Variants in COL3A1 observed in about 807,000 individuals in gnomAD.
COL3A1 encodes the protein collagen alpha-1(III) chain.
In COL3A1, 46 loss-of-function variants were observed where a neutral mutation model predicts 200.9. The ratio of observed to expected loss-of-function variants is 0.23; its 90% CI spans 0.18 to 0.29. The LOEUF (loss-of-function observed/expected upper bound fraction) is 0.29, where lower values mean the gene tolerates loss of function less well. Ranked by LOEUF, COL3A1 falls within the 10% of genes least tolerant of loss-of-function variation. The pLI is 1.00. For synonymous variants in COL3A1, 650 were observed against 628.0 expected (o/e 1.03, Z -0.52); for missense variants, 1,367 against 1,917.6 (o/e 0.71, Z 5.36).
intron 1 of COL3A1, among the ~76,000 whole-genome samples, chr2:188,982,053 CTTTT>C (rs539051688): frequency 6.6e-6 from 1 of 151,268 alleles, no homozygotes; most frequent in African/African-American, 2.4e-5. Context: ...TTCCAACTCT[CTTTT>C]TTTTACTTAA....
At position 189,005,748 on chromosome 2, in the gene COL3A1, C is replaced by A. The variant is rs1223483439; in HGVS notation, c.3039+291C>A. 2.0e-5 allele frequency: 6 copies of A among 304,430 alleles called. No individual in the cohort carries two copies. In the Admixed American group the frequency reaches 2.4e-4, roughly 12 times the overall value. 18.9% of individuals were successfully genotyped at this position (304,430 alleles called of 1,614,324 possible). A position where few individuals can be genotyped will look rare whatever the true frequency, so the allele number is the denominator to read the frequency against. ...GACATGTTTTCTGAGTGAAAATATT[C>A]TACGGTTATCTATGGTTAGTCTTTT... is the stretch of plus-strand genomic sequence containing the variant. On this transcript the variant is annotated intron_variant, in intron 41 of 50. Transcript: ENST00000304636.
At chr2:189,001,666 G>A (rs964728618) in intron 34 of COL3A1, 77 bp downstream of exon 34, 1 of 1,525,502 alleles carries the variant, frequency 6.6e-7, no homozygotes, top group Non-Finnish European at 9.1e-7. Flanking sequence ...CTTTTTGGCA[G>A]TTTTGCCCTC....
At chr2:188,992,756 C>G in intron 14 of COL3A1, 131 bp from the exon 15 acceptor site, 1 of 781,502 alleles carries the variant, frequency 1.3e-6, no homozygotes, top group Non-Finnish European at 2.3e-6. Flanking sequence ...TACATAATAT[C>G]CATAAAATAT....
intron 7 of COL3A1, 71 bp downstream of exon 7, chr2:188,988,714 C>A: frequency 2.0e-6 from 2 of 1,021,450 alleles, no homozygotes; most frequent in Non-Finnish European, 3.1e-6. Context: ...TTTTCTAAAA[C>A]AAGTATAGGT....
rs1688305452 is a variant in COL3A1 at position 188,996,172 on chromosome 2, G to T, written c.1656G>T (p.Gly552=). The change falls in exon 23 of 51, where the codon GGG becomes GGT. Residue 552 remains glycine (G), a synonymous_variant. Transcript: ENST00000304636. ...GACCAGGAAGTGATGGGAAACCAGGGCCTCCCGTATGTACATTTTTAAAAT... is the reference window on the plus strand; with the variant it reads ...GACCAGGAAGTGATGGGAAACCAGGTCCTCCCGTATGTACATTTTTAAAAT... The part of the protein sequence containing the change: ...PGGPGSDGKP[G]PPGSQGESGR... 14 of 1,613,320 alleles carry T rather than the reference G, an allele frequency of 8.7e-6. No individual in the cohort carries two copies. The highest frequency in any genetic ancestry group is 4.0e-5 in the African/African-American group (3 of 74,844).
chr2:189,000,464 A>G (rs2153503146), intron 32 of COL3A1, among the ~76,000 whole-genome samples: 1 of 152,330 alleles, frequency 6.6e-6, no homozygotes, highest in East Asian at 1.9e-4. Flanking sequence ...CTAGCAGTTA[A>G]GAATGAGAAA....
chr2:188,997,194 T>A lies in COL3A1; in HGVS notation c.1791T>A (p.Gly597=), dbSNP rs1214038229. The A allele has an allele frequency of 6.2e-7, 1 of 1,613,974 alleles. No individual in the cohort carries two copies. Among genetic ancestry groups the A allele is most frequent in the Admixed American group, 1.7e-5 (1 of 59,984 alleles). Residue 597 remains glycine, a synonymous_variant, in exon 25 of 51, where the codon GGT becomes GGA. Coordinates refer to ENST00000304636, the MANE Select transcript of COL3A1 (RefSeq NM_000090.4). The part of the protein sequence containing the change: ...DGAPGKNGER[G]GPGGPGPQGP... ...CTCCTGGTAAGAATGGAGAACGAGG[T>A]GGCCCTGGAGGACCTGGCCCTCAGG...
intron 2 of COL3A1, 23 bp downstream of exon 2, chr2:188,984,985 C>A: frequency 6.2e-7 from 1 of 1,600,564 alleles, no homozygotes; most frequent in Non-Finnish European, 8.6e-7. Context: ...ATAAACTGTA[C>A]ATCTTCAATA....
At chr2:188,981,041 G>A (rs796544404) in intron 1 of COL3A1, among the ~76,000 whole-genome samples, 2 of 151,236 alleles carry the variant, frequency 1.3e-5, no homozygotes, top group South Asian at 4.2e-4. Context: ...AGGTGCTTTA[G>A]GGAATAATAT....
chr2:188,991,114 C>A, intron 11 of COL3A1, 57 bp downstream of exon 11: 1 of 1,535,924 alleles, frequency 6.5e-7, no homozygotes, highest in Non-Finnish European at 9.0e-7. Context: ...ATTAAAGCTA[C>A]ATATAAGATT....
intron 13 of COL3A1, 65 bp downstream of exon 13, chr2:188,991,787 A>C: frequency 9.8e-6 from 15 of 1,524,984 alleles, no homozygotes; most frequent in Non-Finnish European, 1.3e-5. Context: ...AGCCTCAGTA[A>C]AGTTTCAGGC....
intron 8 of COL3A1, 84 bp downstream of exon 8, chr2:188,989,533 A>G: frequency 1.0e-6 from 1 of 993,160 alleles, no homozygotes; most frequent in South Asian, 1.5e-5. Flanking sequence ...TCAGAATCCC[A>G]GAAGAAAAAA....
At chr2:189,008,010 T>C (rs1244860009) in intron 46 of COL3A1, 25 bp from the exon 47 acceptor site, 1 of 1,613,972 alleles carries the variant, frequency 6.2e-7, no homozygotes, top group Non-Finnish European at 8.5e-7. Context: ...TATTCTGGCA[T>C]TGTGATGTCA....
intron 3 of COL3A1, 94 bp downstream of exon 3, chr2:188,985,341 C>T (rs1250340289): frequency 2.1e-6 from 2 of 949,708 alleles, no homozygotes; most frequent in Admixed American, 3.6e-5. Flanking sequence ...ATCATACATT[C>T]TCTTCATTAC....
chr2:188,999,896 G>A lies in COL3A1; in HGVS notation c.2283+1G>A, dbSNP rs1559058970. 6.3e-7 allele frequency: 1 copy of A among 1,588,336 alleles called. No individual in the cohort carries two copies. The highest frequency in any genetic ancestry group is 8.6e-7 in the Non-Finnish European group (1 of 1,168,218). On this transcript the variant is annotated splice_donor_variant, in intron 32 of 50. Coordinates refer to ENST00000304636, the MANE Select transcript of COL3A1 (RefSeq NM_000090.4). LOFTEE classifies it high-confidence loss of function. ...TGTCCCAGGGAAAGATGGCCCAAGG[G>A]TGAGTATTCCCAGTGAGGAGAAGCA... is the stretch of plus-strand genomic sequence containing the variant.
chr2:188,990,932 A>G (rs1242042412), intron 10 of COL3A1, 72 bp from the exon 11 acceptor site: 11 of 1,478,612 alleles, frequency 7.4e-6, no homozygotes, highest in South Asian at 4.6e-5. Flanking sequence ...GAAAAATACC[A>G]TGTAAACTTT....
At chr2:188,988,900 A>G (rs767784565) in intron 7 of COL3A1, among the ~76,000 whole-genome samples, 1 of 151,932 alleles carries the variant, frequency 6.6e-6, no homozygotes, top group Non-Finnish European at 1.5e-5. Context: ...AAAATTCTGT[A>G]TATATTAAAT....
rs778702019 is a variant in COL3A1 at position 188,994,064 on chromosome 2, T to C, written c.1176T>C (p.Pro392=). Reference sequence around the variant, plus strand: ...GCCCTCCTGGGATTAATGGTAGTCCTGGTGGTAAAGGCGAAATGGTAAGCT... The same window carrying C: ...GCCCTCCTGGGATTAATGGTAGTCCCGGTGGTAAAGGCGAAATGGTAAGCT... ...PPGPPGINGS[P]GGKGEMGPAG... Residue 392 remains proline (P), a synonymous_variant, in exon 17 of 51, where the codon CCT becomes CCC. Coordinates refer to ENST00000304636, the MANE Select transcript of COL3A1 (RefSeq NM_000090.4). The surrounding 1 kb of genome is among the most constrained non-coding windows in gnomAD (Gnocchi z 4.5). The C allele has an allele frequency of 8.7e-6, 14 of 1,614,064 alleles. No homozygotes were observed. Among genetic ancestry groups the C allele is most frequent in the Non-Finnish European group, 1.2e-5 (14 of 1,180,000 alleles).
chr2:188,992,311 A>G (rs1688206320), intron 14 of COL3A1, 83 bp downstream of exon 14: 2 of 1,185,038 alleles, frequency 1.7e-6, no homozygotes, highest in Admixed American at 3.5e-5. Context: ...ATATATGTAT[A>G]TACTCTTAGG....
Sources: allele counts gnomAD v4.1 joint callset (sites outside exome capture counted in the v4.1 genomes callset), GRCh38; gene constraint gnomAD v4.1.1; non-coding constraint Gnocchi (gnomAD v3.1); transcripts MANE v1.5; gene names NCBI Gene and HGNC (gene_info 2026-07-23, HGNC 2026-07-21).